OR51A7: variants seen among roughly 807,000 people sequenced by gnomAD.
OR51A7 encodes the protein olfactory receptor family 51 subfamily A member 7.
For synonymous variants in OR51A7, 143 were observed against 135.5 expected (o/e 1.05, Z -0.38); for missense variants, 409 against 374.5 (o/e 1.09, Z -0.76).
chr11:4,905,448 A>C (rs1371390393), intron 1 of OR51A7, among the ~76,000 whole-genome samples: 2 of 152,168 alleles, frequency 1.3e-5, no homozygotes, highest in Non-Finnish European at 2.9e-5. Context: ...AAAAATCACA[A>C]AATACAGTAT....
At position 4,907,514 on chromosome 11, in the gene OR51A7, A is replaced by G. The variant is rs760310741; in HGVS notation, c.145A>G (p.Ile49Val). ...GGGCAACTGCACCATTCTCTTTATT[A>G]TAAAGACAGAGCCCTCGCTTCATGA... ...IMGNCTILFI[I>V]KTEPSLHEPM... Residue 49 changes from isoleucine to valine, a missense_variant, in exon 2 of 2, where the codon ATA becomes GTA. Ile to Val is a conservative substitution (Grantham distance 29). Transcript: ENST00000641490. 84 of 1,613,882 alleles carry G rather than the reference A, an allele frequency of 5.2e-5. No homozygotes were observed. Among genetic ancestry groups the G allele is most frequent in the Non-Finnish European group, 2.5e-6 (3 of 1,180,000 alleles).
chr11:4,908,388 C>A lies in OR51A7; in HGVS notation c.*80C>A. ...GCTATGTGCTTAATGCCATAGAAGT[C>A]ACTAATGAAGGACTGGATGATGGAA... On this transcript the variant is annotated 3_prime_UTR_variant, in exon 2 of 2. Transcript: ENST00000641490. The A allele has an allele frequency of 8.4e-7, 1 of 1,189,328 alleles. No homozygotes were observed. The highest frequency in any genetic ancestry group is 1.2e-6 in the Non-Finnish European group (1 of 806,558). 73.7% of individuals were successfully genotyped at this position (1,189,328 alleles called of 1,614,324 possible).
At position 4,908,689 on chromosome 11, in the gene OR51A7, T is replaced by C. The variant is rs1256410211; in HGVS notation, c.*381T>C. The stretch of plus-strand genomic sequence containing the variant: ...CTCATACTGTCAAGGAAAGGTAAAA[T>C]AGCTATGAAGGATGCTGATCTGATT... On this transcript the variant is annotated 3_prime_UTR_variant, in exon 2 of 2. Transcript: ENST00000641490. The C allele has an allele frequency of 3.0e-5, 8 of 270,960 alleles. No homozygotes were observed. Among genetic ancestry groups the C allele is most frequent in the Non-Finnish European group, 7.1e-6 (1 of 140,010 alleles). 16.8% of individuals were successfully genotyped at this position (270,960 alleles called of 1,614,324 possible).
At chr11:4,904,738 T>A (rs1027776861) in intron 1 of OR51A7, among the ~76,000 whole-genome samples, 1 of 151,986 alleles carries the variant, frequency 6.6e-6, no homozygotes, top group Non-Finnish European at 1.5e-5. Context: ...GACATCAATA[T>A]CCCTTAGTTG....
chr11:4,903,993 A>C (rs1053460105), intron 1 of OR51A7, 149 bp downstream of exon 1: 3 of 152,112 alleles, frequency 2.0e-5, no homozygotes, highest in African/African-American at 7.2e-5. Flanking sequence ...TAATGCCCTA[A>C]TATCAGTAGA....
At chr11:4,907,111 A>AAAAAAAAAAAAAAAAAAAAAC (rs1850905914) in intron 1 of OR51A7, among the ~76,000 whole-genome samples, 1 of 149,890 alleles carries the variant, frequency 6.7e-6, no homozygotes, top group Admixed American at 6.6e-5. Flanking sequence ...AAAAAAAAAA[A>AAAAAAAAAAAAAAAAAAAAAC]AAAATCCTAA....
chr11:4,906,935 C>A (rs1850899432), intron 1 of OR51A7, among the ~76,000 whole-genome samples: 1 of 151,428 alleles, frequency 6.6e-6, no homozygotes, highest in Non-Finnish European at 1.5e-5. Flanking sequence ...ACTAAGAATA[C>A]AAAAATTAGC....
In OR51A7 at chr11:4,907,436, G is replaced by A; in HGVS notation, c.67G>A (p.Ala23Thr). 1 of 1,613,868 alleles carries A rather than the reference G, an allele frequency of 6.2e-7. No individual in the cohort carries two copies. The highest frequency in any genetic ancestry group is 8.5e-7 in the Non-Finnish European group (1 of 1,179,948). ...LLIGIPGLEHAHIWFSIPICL... is the reference protein window; with the variant it reads ...LLIGIPGLEHTHIWFSIPICL... ...GATTGGGATCCCAGGACTGGAACAT[G>A]CCCACATTTGGTTCTCCATCCCCAT... The change falls in exon 2 of 2, where the codon GCC (alanine) becomes ACC (threonine). Residue 23 changes from alanine to threonine, a missense_variant. By Grantham distance (58) the Ala-to-Thr change is moderately conservative. Transcript: ENST00000641490.
rs747578146 is a variant in OR51A7 at position 4,908,020 on chromosome 11, T to C, written c.651T>C (p.Tyr217=). 1 of 1,614,218 alleles carries C rather than the reference T, an allele frequency of 6.2e-7. No homozygotes were observed. The highest frequency in any genetic ancestry group is 1.1e-5 in the South Asian group (1 of 91,086). The change falls in exon 2 of 2, where the codon TAT becomes TAC. Residue 217 remains tyrosine (Y), a synonymous_variant. Transcript: ENST00000641490. ...ACTTGGCACTGATTGTTTTGTCTTA[T>C]GTGCTGATCTTGAAGACTATACTCA... is the stretch of plus-strand genomic sequence containing the variant. ...MLDLALIVLS[Y]VLILKTILSI...
Position 4,908,337 on chromosome 11 carries a change from C to A in OR51A7, c.*29C>A, listed in dbSNP as rs1850938535. 1.9e-6 allele frequency: 3 copies of A among 1,574,792 alleles called. No individual in the cohort carries two copies. Among genetic ancestry groups the A allele is most frequent in the African/African-American group, 2.7e-5 (2 of 74,100 alleles). ...CTTGAACAATTAGGTAATAAATTATCAACCAGTAGGCATTTACTGTCATTT... is the reference window on the plus strand; with the variant it reads ...CTTGAACAATTAGGTAATAAATTATAAACCAGTAGGCATTTACTGTCATTT... On this transcript the variant is annotated 3_prime_UTR_variant, in exon 2 of 2. Transcript: ENST00000641490.
rs762351728 is a variant in OR51A7, at chr11:4,907,491, G to GC, written c.123dup (p.Asn42GlnfsTer16). The GC allele has an allele frequency of 1.2e-6, 2 of 1,613,952 alleles. No individual in the cohort carries two copies. Among genetic ancestry groups the GC allele is most frequent in the Non-Finnish European group, 8.5e-7 (1 of 1,179,970 alleles). On this transcript the variant is annotated frameshift_variant, in exon 2 of 2. Coordinates refer to ENST00000641490, the MANE Select transcript of OR51A7 (RefSeq NM_001004749.2). LOFTEE classifies it low-confidence loss of function (END_TRUNC). The stretch of plus-strand genomic sequence containing the variant: ...CTCATGTACCTGCTTGCCATCATGG[G>GC]CAACTGCACCATTCTCTTTATTATA...
chr11:4,907,917 A>T lies in OR51A7; in HGVS notation c.548A>T (p.Asp183Val), dbSNP rs544760573. The change falls in exon 2 of 2, where the codon GAT (aspartate) becomes GTT (valine). Residue 183 changes from aspartate (D) to valine (V), a missense_variant. Asp to Val is a radical substitution (Grantham distance 152). Coordinates refer to ENST00000641490, the MANE Select transcript of OR51A7 (RefSeq NM_001004749.2). ...LLSHSYCLHQ[D>V]TMKLACSDNK... ...TCTCACTCATACTGTCTTCATCAGG[A>T]TACCATGAAGCTGGCCTGCTCTGAC... 4 of 1,614,092 alleles carry T rather than the reference A, an allele frequency of 2.5e-6. No homozygotes were observed. The highest frequency in any genetic ancestry group is 2.2e-5 in the South Asian group (2 of 91,080).
At chr11:4,907,050 C>T (rs12225064) in intron 1 of OR51A7, among the ~76,000 whole-genome samples, 15,388 of 137,094 alleles carry the variant, frequency 0.11, 1,371 homozygotes, top group East Asian at 0.55. Flanking sequence ...AAGCTGAGAT[C>T]GCACCATTGC....
chr11:4,908,180 G>T lies in OR51A7; in HGVS notation c.811G>T (p.Val271Phe), dbSNP rs1850933577. The T allele has an allele frequency of 1.2e-6, 2 of 1,614,038 alleles. No homozygotes were observed. Among genetic ancestry groups the T allele is most frequent in the Admixed American group, 3.3e-5 (2 of 59,992 alleles). The change falls in exon 2 of 2, where the codon GTT becomes TTT. Residue 271 changes from valine (V) to phenylalanine (F), a missense_variant. Transcript: ENST00000641490. ...CTTTGCCAAGCACAAAAGCCCTCTT[G>T]TTGTGATCCTTATTGCAGATATGTT... ...HHFAKHKSPLVVILIADMFLL... is the reference protein window; with the variant it reads ...HHFAKHKSPLFVILIADMFLL...
chr11:4,908,781 G>A lies in OR51A7; in HGVS notation c.*473G>A. The A allele has an allele frequency of 6.2e-6, 1 of 161,566 alleles. No homozygotes were observed. Among genetic ancestry groups the A allele is most frequent in the Admixed American group, 5.9e-5 (1 of 16,866 alleles). The allele number at this position is 161,566 out of a possible 1,614,324, so 10.0% of individuals were successfully genotyped here. A position where few individuals can be genotyped will look rare whatever the true frequency, so the allele number is the denominator to read the frequency against. ...GGATAAAATAAGTGAACCAGATTTT[G>A]GAGCACCTAAAAAAAGCTTTGAAAA... On this transcript the variant is annotated 3_prime_UTR_variant, in exon 2 of 2. Coordinates refer to ENST00000641490, the MANE Select transcript of OR51A7 (RefSeq NM_001004749.2).
At chr11:4,906,329 A>G (rs757589153) in intron 1 of OR51A7, among the ~76,000 whole-genome samples, 1 of 152,216 alleles carries the variant, frequency 6.6e-6, no homozygotes, top group Non-Finnish European at 1.5e-5. Context: ...TTGGAACTTC[A>G]TAAATAACTA....
Position 4,907,902 on chromosome 11 carries a change from A to T in OR51A7, c.533A>T (p.Tyr178Phe). ...CAAAAGAATCTTCTTTCTCACTCATACTGTCTTCATCAGGATACCATGAAG... is the reference window on the plus strand; with the variant it reads ...CAAAAGAATCTTCTTTCTCACTCATTCTGTCTTCATCAGGATACCATGAAG... ...YCQKNLLSHS[Y>F]CLHQDTMKLA... Residue 178 changes from tyrosine to phenylalanine, a missense_variant, in exon 2 of 2, where the codon TAC (tyrosine) becomes TTC (phenylalanine). By Grantham distance (22) the Tyr-to-Phe change is conservative. Coordinates refer to ENST00000641490, the MANE Select transcript of OR51A7 (RefSeq NM_001004749.2). 1.2e-6 allele frequency: 2 copies of T among 1,614,066 alleles called. No individual in the cohort carries two copies. Among genetic ancestry groups the T allele is most frequent in the Non-Finnish European group, 1.7e-6 (2 of 1,180,008 alleles).
rs765756303 is a variant in OR51A7, at chr11:4,908,378, C to A, written c.*70C>A. On this transcript the variant is annotated 3_prime_UTR_variant, in exon 2 of 2. Transcript: ENST00000641490. ...ACTGTCATTTGCTATGTGCTTAATG[C>A]CATAGAAGTCACTAATGAAGGACTG... is the stretch of plus-strand genomic sequence containing the variant. The A allele has an allele frequency of 3.2e-6, 4 of 1,265,496 alleles. No individual in the cohort carries two copies. The highest frequency in any genetic ancestry group is 2.9e-5 in the African/African-American group (2 of 68,126). 78.4% of individuals were successfully genotyped at this position (1,265,496 alleles called of 1,614,324 possible).
Position 4,908,082 on chromosome 11 carries a change from A to G in OR51A7, c.713A>G (p.Asn238Ser), listed in dbSNP as rs147651359. 3.7e-6 allele frequency: 6 copies of G among 1,614,074 alleles called. No individual in the cohort carries two copies. Among genetic ancestry groups the G allele is most frequent in the Non-Finnish European group, 5.1e-6 (6 of 1,179,970 alleles). Reference sequence around the variant, plus strand: ...TTGGCAGAGAGGCTTAAGGCCCTAAATACCTGTGTCTCCCACATCTGTGCT... The same window carrying G: ...TTGGCAGAGAGGCTTAAGGCCCTAAGTACCTGTGTCTCCCACATCTGTGCT... ...ASLAERLKAL[N>S]TCVSHICAVL... Residue 238 changes from asparagine (N) to serine (S), a missense_variant, in exon 2 of 2, where the codon AAT becomes AGT. Physicochemically the swap from Asn to Ser is conservative, Grantham distance 46. Transcript: ENST00000641490.
Sources: gnomAD v4.1 joint callset for allele counts (sites outside exome capture counted in the v4.1 genomes callset) on GRCh38, gnomAD v4.1.1 for gene constraint, MANE v1.5 for transcripts, NCBI Gene and HGNC (gene_info 2026-07-23, HGNC 2026-07-21) for gene names.